Variants in REL observed in about 807,000 individuals in gnomAD.
The protein encoded by REL is REL proto-oncogene, NF-kB subunit.
Under a neutral mutation model 45.9 loss-of-function variants are expected in REL, and 15 were observed. The ratio of observed to expected loss-of-function variants is 0.33; its 90% confidence interval spans 0.22 to 0.50. The LOEUF is 0.50. Ranked by LOEUF, REL falls within the 20% of genes least tolerant of loss-of-function variation. The pLI is 0.98. For synonymous variants in REL, 239 were observed against 242.1 expected, an observed-to-expected ratio of 0.99 and a Z score of 0.12; for missense variants, 601 against 715.2, an observed-to-expected ratio of 0.84 and a Z score of 1.82.
chr2:60,930,763 A>G lies in REL; in HGVS notation c.*8228A>G, dbSNP rs781337556. ...AAATACCACCAGCTAGTACTTACCT[A>G]TTTAAAGATGTAGAATTTATTATCC... On this transcript the variant is annotated 3_prime_UTR_variant, in exon 10 of 10. Transcript: ENST00000394479. 1.3e-5 allele frequency: 2 copies of G among 152,350 alleles called. No individual in the cohort carries two copies. The highest frequency in any genetic ancestry group is 4.8e-5 in the African/African-American group (2 of 41,468). The allele number at this position is 152,350 out of a possible 1,614,324, so 9.4% of individuals were successfully genotyped here.
intron 7 of REL, among the ~76,000 whole-genome samples, chr2:60,919,794 C>T (rs1479491926): frequency 2.0e-5 from 3 of 152,138 alleles, no homozygotes; most frequent in Non-Finnish European, 4.4e-5. Context: ...CTCCTGCGCT[C>T]AAGTGATCCA....
At chr2:60,883,134 T>A (rs550694399) in intron 1 of REL, among the ~76,000 whole-genome samples, 1 of 152,214 alleles carries the variant, frequency 6.6e-6, no homozygotes, top group African/African-American at 2.4e-5. Flanking sequence ...AAATGCATGT[T>A]AAATGCTGTA....
chr2:60,910,910 C>T (rs1343764607), intron 4 of REL, among the ~76,000 whole-genome samples: 1 of 151,930 alleles, frequency 6.6e-6, no homozygotes, highest in African/African-American at 2.4e-5. Flanking sequence ...CTAACCTGGG[C>T]GACAGAGTGA....
intron 2 of REL, among the ~76,000 whole-genome samples, chr2:60,892,081 G>A (rs754664219): frequency 1.1e-4 from 16 of 151,982 alleles, no homozygotes; most frequent in Non-Finnish European, 2.2e-4. Flanking sequence ...TAAGTAGAGC[G>A]ACTCAATGTT....
chr2:60,884,243 T>C (rs1428992345), intron 1 of REL, among the ~76,000 whole-genome samples: 1 of 152,070 alleles, frequency 6.6e-6, no homozygotes, highest in Non-Finnish European at 1.5e-5. Context: ...TTACCAGATG[T>C]CATATGTAAA....
chr2:60,901,655 G>A (rs911182985), intron 4 of REL, among the ~76,000 whole-genome samples: 5 of 152,040 alleles, frequency 3.3e-5, no homozygotes, highest in African/African-American at 1.2e-4. Context: ...TCAAAATGTT[G>A]TGATCCTTTT....
chr2:60,917,750 G>A (rs956661815), intron 5 of REL, among the ~76,000 whole-genome samples: 10 of 150,566 alleles, frequency 6.6e-5, no homozygotes, highest in Non-Finnish European at 1.5e-4. Context: ...TTAGATATAC[G>A]TCCACCAATG....
chr2:60,910,070 A>G (rs1673769415), intron 4 of REL, among the ~76,000 whole-genome samples: 2 of 152,198 alleles, frequency 1.3e-5, no homozygotes, highest in African/African-American at 4.8e-5. Context: ...ATATAGCATG[A>G]TAATATCTTC....
chr2:60,883,382 A>T (rs1208110306), intron 1 of REL, among the ~76,000 whole-genome samples: 1 of 152,228 alleles, frequency 6.6e-6, no homozygotes, highest in East Asian at 1.9e-4. Context: ...TGAGAATACT[A>T]AGTGTAGTTT....
intron 4 of REL, among the ~76,000 whole-genome samples, chr2:60,914,486 T>C (rs1673904278): frequency 6.6e-6 from 1 of 152,074 alleles, no homozygotes; most frequent in Non-Finnish European, 1.5e-5. Context: ...CTTTGGCTTA[T>C]TGACCAGTTT....
At chr2:60,889,755 A>G (rs938844674) in intron 1 of REL, among the ~76,000 whole-genome samples, 4 of 152,052 alleles carry the variant, frequency 2.6e-5, no homozygotes, top group Admixed American at 1.3e-4. Flanking sequence ...AGCTTCATCT[A>G]TGTCCCTACA....
chr2:60,928,932 A>G lies in REL; in HGVS notation c.*6397A>G, dbSNP rs1393762669. 3.4e-5 allele frequency: 5 copies of G among 147,270 alleles called. No individual in the cohort carries two copies. Among genetic ancestry groups the G allele is most frequent in the Non-Finnish European group, 4.6e-5 (3 of 65,216 alleles). 9.1% of individuals were successfully genotyped at this position (147,270 alleles called of 1,614,324 possible). A position where few individuals can be genotyped will look rare whatever the true frequency, so the allele number is the denominator to read the frequency against. ...ATTTTCGCAACCTACTTATCTGACA[A>G]AGGGCTAATATCCAGAATCTACAAT... On this transcript the variant is annotated 3_prime_UTR_variant, in exon 10 of 10. Transcript: ENST00000394479.
intron 5 of REL, 24 bp downstream of exon 5, chr2:60,917,041 T>C: frequency 6.3e-7 from 1 of 1,588,162 alleles, no homozygotes; most frequent in Non-Finnish European, 8.6e-7. Context: ...TTTCTTATAT[T>C]TGTAGTCTTA....
rs527508066 is a variant in REL, at chr2:60,910,445, A to C, written c.395-6432A>C. ...ACATCACTGCACTCCAGCCTGGGTG[A>C]CAGAGTGAGACTCCATCTCAAAAAA... On this transcript the variant is annotated intron_variant, in intron 4 of 9. Coordinates refer to ENST00000394479, the MANE Select transcript of REL (RefSeq NM_001291746.2). Among the ~76,000 whole-genome samples, 469 of 148,748 alleles carry C rather than the reference A, an allele frequency of 3.2e-3. 5 individuals are homozygous for C. The highest frequency in any genetic ancestry group is 0.011 in the African/African-American group (450 of 40,224).
chr2:60,882,769 G>T (rs922025710), intron 1 of REL, among the ~76,000 whole-genome samples: 1 of 152,102 alleles, frequency 6.6e-6, no homozygotes, highest in Non-Finnish European at 1.5e-5. Context: ...CTTCCTCCTC[G>T]CTGGAAATAA....
In REL at chr2:60,924,257, C is replaced by A. The variant is rs1224855313; in HGVS notation, c.*1722C>A. ...GATCTGACTTTACTAAGTATTTATTCATTTACTGTTTGTTTTCCCATACCG... is the reference window on the plus strand; with the variant it reads ...GATCTGACTTTACTAAGTATTTATTAATTTACTGTTTGTTTTCCCATACCG... On this transcript the variant is annotated 3_prime_UTR_variant, in exon 10 of 10. Coordinates refer to ENST00000394479, the MANE Select transcript of REL (RefSeq NM_001291746.2). 8.9e-6 allele frequency: 2 copies of A among 225,958 alleles called. No homozygotes were observed. Among genetic ancestry groups the A allele is most frequent in the African/African-American group, 4.4e-5 (2 of 44,946 alleles). The allele number at this position is 225,958 out of a possible 1,614,324, so 14.0% of individuals were successfully genotyped here. A position where few individuals can be genotyped will look rare whatever the true frequency, so the allele number is the denominator to read the frequency against.
At chr2:60,919,653 G>A (rs1188953710) in intron 7 of REL, among the ~76,000 whole-genome samples, 1 of 152,112 alleles carries the variant, frequency 6.6e-6, no homozygotes, top group African/African-American at 2.4e-5. Context: ...TCAAACTCCT[G>A]ACCTCAGGTG....
At position 60,920,046 on chromosome 2, in the gene REL, T is replaced by C; in HGVS notation, c.859T>C (p.Tyr287His). ...CCTGGTTTCTTTCTAATCAGATACTTACGGCAATAAAGCAAAGAAACAAAA... is the reference window on the plus strand; with the variant it reads ...CCTGGTTTCTTTCTAATCAGATACTCACGGCAATAAAGCAAAGAAACAAAA... ...FRYLPDEKDTYGNKAKKQKTT... is the reference protein window; with the variant it reads ...FRYLPDEKDTHGNKAKKQKTT... The change falls in exon 8 of 10, where the codon TAC becomes CAC. Residue 287 changes from tyrosine (Y) to histidine (H), a missense_variant. Physicochemically the swap from Tyr to His is moderately conservative, Grantham distance 83. Around this residue, in one of 4 missense-constraint regions of REL, gnomAD observed 241 missense variants for 347.0 expected, o/e 0.69. Coordinates refer to ENST00000394479, the MANE Select transcript of REL (RefSeq NM_001291746.2). The C allele has an allele frequency of 6.2e-7, 1 of 1,607,806 alleles. No homozygotes were observed. The highest frequency in any genetic ancestry group is 8.5e-7 in the Non-Finnish European group (1 of 1,175,742).
intron 8 of REL, 33 bp from the exon 9 acceptor site, chr2:60,920,541 A>T: frequency 6.8e-7 from 1 of 1,464,970 alleles, no homozygotes; most frequent in Non-Finnish European, 9.5e-7. Flanking sequence ...TTTTCAAATG[A>T]CATTTAATAA....
Sources: allele counts gnomAD v4.1 joint callset (sites outside exome capture counted in the v4.1 genomes callset), GRCh38; gene constraint gnomAD v4.1.1; regional missense constraint gnomAD v4.1.1; transcripts MANE v1.5; gene names NCBI Gene and HGNC (gene_info 2026-07-23, HGNC 2026-07-21).